Variants in LHFPL3 observed in about 807,000 individuals in gnomAD.
The protein encoded by LHFPL3 is LHFPL tetraspan subfamily member 3.
A neutral mutation model predicts 19.3 loss-of-function variants in LHFPL3; 5 were observed. The ratio of observed to expected loss-of-function variants is 0.26; its 90% CI spans 0.14 to 0.54. The LOEUF is 0.54. LHFPL3 is among the 20% of genes least tolerant of loss of function. The pLI is 0.94. For missense variants in LHFPL3, 249 were observed against 307.4 expected, an observed-to-expected ratio of 0.81 and a Z score of 1.42; for synonymous variants, 133 against 126.2, an observed-to-expected ratio of 1.05 and a Z score of -0.36.
chr7:104,823,006 C>A (rs148670787), intron 2 of LHFPL3, among the ~76,000 whole-genome samples: 1 of 152,016 alleles, frequency 6.6e-6, no homozygotes, highest in Admixed American at 6.6e-5. Context: ...CAGAGCCGTA[C>A]GCTCTGCATG....
At chr7:104,575,578 A>AG (rs1455045652) in intron 1 of LHFPL3, among the ~76,000 whole-genome samples, 2 of 149,960 alleles carry the variant, frequency 1.3e-5, no homozygotes, top group East Asian at 3.9e-4. Flanking sequence ...AAAAAAAAAA[A>AG]AAAAAAAACA....
At chr7:104,536,592 C>T (rs930318624) in intron 1 of LHFPL3, among the ~76,000 whole-genome samples, 1 of 152,306 alleles carries the variant, frequency 6.6e-6, no homozygotes, top group African/African-American at 2.4e-5. Context: ...ATCTAATCTT[C>T]TGTGATCTGA....
chr7:104,893,994 ACCTGGTATTAATACAGATG>A (rs1397357783), intron 2 of LHFPL3, among the ~76,000 whole-genome samples: 2 of 152,036 alleles, frequency 1.3e-5, no homozygotes, highest in Admixed American at 1.3e-4. Context: ...TAAGCACACA[ACCTGGTATTAATACAGATG>A]CCAGTCTCCA....
intron 1 of LHFPL3, among the ~76,000 whole-genome samples, chr7:104,571,875 A>G (rs1437036920): frequency 2.0e-5 from 3 of 152,146 alleles, no homozygotes; most frequent in Admixed American, 6.5e-5. Flanking sequence ...GATGCATTCT[A>G]TTTTGGCAAA....
rs144690921 is a variant in LHFPL3, at chr7:104,794,573, T to G, written c.682+57662T>G. Among the ~76,000 whole-genome samples the G allele has an allele frequency of 2.6e-4, 40 of 152,338 alleles. No individual in the cohort carries two copies. The East Asian group carries it at 6.5e-3, about 25-fold the overall frequency. Reference sequence around the variant, plus strand: ...CACATTAAATTCAAGAGCCAATGTTTCTTTAATAGTTTCTTCTCAAAAATA... The same window carrying G: ...CACATTAAATTCAAGAGCCAATGTTGCTTTAATAGTTTCTTCTCAAAAATA... On this transcript the variant is annotated intron_variant, in intron 2 of 2. Coordinates refer to ENST00000424859, the MANE Select transcript of LHFPL3 (RefSeq NM_199000.3).
intron 1 of LHFPL3, among the ~76,000 whole-genome samples, chr7:104,440,220 A>G (rs935926663): frequency 6.6e-6 from 1 of 152,004 alleles, no homozygotes; most frequent in African/African-American, 2.4e-5. Context: ...ACACCATGAA[A>G]TACTCTGCAG....
chr7:104,668,649 C>A, intron 1 of LHFPL3: 1 of 1,610,712 alleles, frequency 6.2e-7, no homozygotes, highest in African/African-American at 1.4e-5. Context: ...ATATGACAGA[C>A]GGGATGATCG....
intron 1 of LHFPL3, among the ~76,000 whole-genome samples, chr7:104,543,622 G>A (rs1362305111): frequency 6.6e-6 from 1 of 151,626 alleles, no homozygotes; most frequent in Admixed American, 6.6e-5. Context: ...TAGGGACACG[G>A]ATGAAACTGG....
intron 1 of LHFPL3, among the ~76,000 whole-genome samples, chr7:104,411,592 A>G (rs1791536370): frequency 6.6e-6 from 1 of 152,188 alleles, no homozygotes; most frequent in African/African-American, 2.4e-5. Flanking sequence ...TTTCAGAACA[A>G]TAAAAATAGG....
At chr7:104,591,653 T>C (rs1463450477) in intron 1 of LHFPL3, among the ~76,000 whole-genome samples, 1 of 152,184 alleles carries the variant, frequency 6.6e-6, no homozygotes, top group African/African-American at 2.4e-5. Context: ...TGAATTTGAA[T>C]GTTGGCCTGC....
chr7:104,376,491 C>T (rs766929202), intron 1 of LHFPL3, among the ~76,000 whole-genome samples: 1 of 152,138 alleles, frequency 6.6e-6, no homozygotes, highest in African/African-American at 2.4e-5. Flanking sequence ...GGGTGAGGGT[C>T]ACAATGGGAA....
At chr7:104,858,917 G>A (rs998683943) in intron 2 of LHFPL3, among the ~76,000 whole-genome samples, 7 of 150,926 alleles carry the variant, frequency 4.6e-5, no homozygotes, top group African/African-American at 1.7e-4. Flanking sequence ...CATACCTAGA[G>A]CTTTTACTTG....
intron 1 of LHFPL3, among the ~76,000 whole-genome samples, chr7:104,710,190 A>G (rs1213411712): frequency 2.6e-5 from 4 of 152,262 alleles, no homozygotes; most frequent in Non-Finnish European, 4.4e-5. Context: ...TTGACAACTC[A>G]GCATGCCAAT....
chr7:104,370,454 G>A (rs1033366584), intron 1 of LHFPL3, among the ~76,000 whole-genome samples: 3 of 152,174 alleles, frequency 2.0e-5, no homozygotes, highest in African/African-American at 7.2e-5. Context: ...AGAGCAGGGT[G>A]GCAAAGCAGA....
chr7:104,503,285 A>G (rs1038194322), intron 1 of LHFPL3, among the ~76,000 whole-genome samples: 1 of 152,162 alleles, frequency 6.6e-6, no homozygotes, highest in African/African-American at 2.4e-5. Context: ...GGTAAAAAGA[A>G]GCAAACACAC....
intron 2 of LHFPL3, among the ~76,000 whole-genome samples, chr7:104,780,950 A>G (rs966632264): frequency 1.3e-5 from 2 of 152,056 alleles, no homozygotes; most frequent in Non-Finnish European, 2.9e-5. Context: ...TCGATTTCTG[A>G]CCAGTGTGCC....
intron 1 of LHFPL3, among the ~76,000 whole-genome samples, chr7:104,673,456 A>G (rs1792525860): frequency 6.6e-6 from 1 of 152,226 alleles, no homozygotes. Flanking sequence ...TTGGTATTCA[A>G]AGGCAACACG....
chr7:104,397,697 GTATT>G (rs1253833538), intron 1 of LHFPL3, among the ~76,000 whole-genome samples: 1 of 152,130 alleles, frequency 6.6e-6, no homozygotes, highest in Non-Finnish European at 1.5e-5. Context: ...CACCTCCTGA[GTATT>G]TATTTACTAC....
chr7:104,858,640 A>G (rs1366446928), intron 2 of LHFPL3, among the ~76,000 whole-genome samples: 1 of 152,102 alleles, frequency 6.6e-6, no homozygotes, highest in African/African-American at 2.4e-5. Context: ...CTCATCAATG[A>G]CAGCTCCAAA....
Sources: gnomAD v4.1 joint callset for allele counts (sites outside exome capture counted in the v4.1 genomes callset) on GRCh38, gnomAD v4.1.1 for gene constraint, MANE v1.5 for transcripts, NCBI Gene and HGNC (gene_info 2026-07-23, HGNC 2026-07-21) for gene names.